Variants in IL19 observed in about 807,000 individuals in gnomAD.
The protein encoded by IL19 is interleukin-19.
In IL19, 15 loss-of-function variants were observed where a neutral mutation model predicts 19.5. The ratio of observed to expected loss-of-function variants is 0.77; its 90% CI spans 0.52 to 1.19. IL19 has a LOEUF of 1.19. Among genes scored for constraint, IL19 ranks in the 50% most tolerant of loss-of-function variants. IL19 has a pLI of 0.00. For missense variants in IL19, 199 were observed against 213.1 expected, an observed-to-expected ratio of 0.93 and a Z score of 0.41; for synonymous variants, 78 against 78.3, an observed-to-expected ratio of 1.00 and a Z score of 0.02.
At chr1:206,773,597 T>TGTGTGTGC (rs1424708095) in intron 1 of IL19, among the ~76,000 whole-genome samples, 1 of 149,166 alleles carries the variant, frequency 6.7e-6, no homozygotes, top group African/African-American at 2.5e-5. Flanking sequence ...TGTGTGTGTG[T>TGTGTGTGC]GTGTGTGTGT....
intron 1 of IL19, among the ~76,000 whole-genome samples, chr1:206,780,153 C>T (rs947886266): frequency 6.6e-6 from 1 of 152,212 alleles, no homozygotes; most frequent in African/African-American, 2.4e-5. Context: ...CTTCTCAGAA[C>T]ACCTTGCTCC....
intron 2 of IL19, among the ~76,000 whole-genome samples, chr1:206,823,983 G>A (rs6673827): frequency 0.046 from 6,943 of 152,324 alleles, 563 homozygotes; most frequent in African/African-American, 0.16. Context: ...CAGGATCGCC[G>A]TGTCTTCAGA....
At chr1:206,827,704 AC>A (rs1558619913) in intron 2 of IL19, among the ~76,000 whole-genome samples, 38 of 31,446 alleles carry the variant, frequency 1.2e-3, no homozygotes, top group Non-Finnish European at 1.9e-3. Context: ...ACAAAACAAA[AC>A]AAAACAAAAA....
intron 2 of IL19, among the ~76,000 whole-genome samples, chr1:206,802,113 G>A (rs1231842429): frequency 1.3e-5 from 2 of 152,204 alleles, no homozygotes; most frequent in African/African-American, 4.8e-5. Context: ...GAATGCACCA[G>A]GCCTTTGCAG....
chr1:206,834,028 G>C (rs1365227666), intron 2 of IL19: 1 of 985,360 alleles, frequency 1.0e-6, no homozygotes, highest in Admixed American at 6.2e-5. Context: ...GGGTACACTT[G>C]GTAACGTGCC....
chr1:206,799,162 T>G (rs112537168), intron 2 of IL19, among the ~76,000 whole-genome samples, 156 bp downstream of exon 2: 14 of 152,194 alleles, frequency 9.2e-5, no homozygotes, highest in African/African-American at 3.4e-4. Context: ...ATTGCCAGAC[T>G]GCTGGCCAGG....
At chr1:206,788,039 A>AGAGCAAGGTGTCATTGCTAGCTTCAAGG (rs1675306780) in intron 1 of IL19, among the ~76,000 whole-genome samples, 1 of 151,986 alleles carries the variant, frequency 6.6e-6, no homozygotes, top group Non-Finnish European at 1.5e-5. Flanking sequence ...GACCCTGTGG[A>AGAGCAAGGTGTCATTGCTAGCTTCAAGG]CCTTCCTTCC....
chr1:206,825,260 G>C (rs1172216389), intron 2 of IL19, among the ~76,000 whole-genome samples: 1 of 152,162 alleles, frequency 6.6e-6, no homozygotes, highest in Non-Finnish European at 1.5e-5. Context: ...TTTAAACATT[G>C]ATCATACTAC....
intron 1 of IL19, among the ~76,000 whole-genome samples, chr1:206,773,668 G>C (rs777307247): frequency 1.1e-4 from 16 of 151,558 alleles, no homozygotes; most frequent in African/African-American, 2.9e-4. Context: ...GCGGCGAGGA[G>C]TGTTGCTCTA....
At chr1:206,842,463 A>C in intron 6 of IL19, 64 bp from the exon 7 acceptor site, 1 of 980,000 alleles carries the variant, frequency 1.0e-6, no homozygotes, top group Non-Finnish European at 1.6e-6. Flanking sequence ...CATATGAAGA[A>C]AGTGACTTGA....
chr1:206,781,965 G>T (rs1188352181), intron 1 of IL19, among the ~76,000 whole-genome samples: 1 of 65,302 alleles, frequency 1.5e-5, no homozygotes, highest in Non-Finnish European at 3.0e-5. Flanking sequence ...ACATATATAT[G>T]TATATGTTAT....
At chr1:206,775,207 A>AT (rs771052503) in intron 1 of IL19, among the ~76,000 whole-genome samples, 5 of 151,518 alleles carry the variant, frequency 3.3e-5, no homozygotes, top group Non-Finnish European at 7.4e-5. Context: ...CGCCCGGCTA[A>AT]GTTTTTTTAT....
At chr1:206,825,546 C>T (rs1572568603) in intron 2 of IL19, among the ~76,000 whole-genome samples, 1 of 152,254 alleles carries the variant, frequency 6.6e-6, no homozygotes. Context: ...CCAGGATTGC[C>T]TGTCTCCAAC....
chr1:206,827,266 G>A (rs1447460938), intron 2 of IL19, among the ~76,000 whole-genome samples: 1 of 151,904 alleles, frequency 6.6e-6, no homozygotes, highest in Non-Finnish European at 1.5e-5. Context: ...ATTTTTTTCT[G>A]GATTTTATGG....
intron 2 of IL19, among the ~76,000 whole-genome samples, chr1:206,819,077 C>T (rs1365374521): frequency 4.0e-5 from 6 of 151,630 alleles, no homozygotes; most frequent in Non-Finnish European, 1.5e-5. Context: ...TCCCAAAGTG[C>T]TGGGATTACA....
At chr1:206,783,559 G>T (rs1011452838) in intron 1 of IL19, among the ~76,000 whole-genome samples, 5 of 152,294 alleles carry the variant, frequency 3.3e-5, no homozygotes, top group African/African-American at 1.2e-4. Flanking sequence ...AGCGGCTAAG[G>T]GTTGTGCACT....
chr1:206,795,061 A>T (rs1377770072), intron 1 of IL19, among the ~76,000 whole-genome samples: 1 of 152,166 alleles, frequency 6.6e-6, no homozygotes, highest in African/African-American at 2.4e-5. Context: ...GCTCTGGCCC[A>T]GGTGTCTTTC....
intron 2 of IL19, chr1:206,834,504 A>G (rs1300339173): frequency 1.1e-6 from 1 of 920,798 alleles, no homozygotes; most frequent in Non-Finnish European, 1.3e-6. Flanking sequence ...GTGTATGGCT[A>G]TGATGTTCCA....
chr1:206,789,311 G>T (rs1675338412), intron 1 of IL19, among the ~76,000 whole-genome samples: 1 of 152,132 alleles, frequency 6.6e-6, no homozygotes, highest in Non-Finnish European at 1.5e-5. Context: ...ACTAAACATT[G>T]TACCCAACAG....
Sources: allele counts gnomAD v4.1 joint callset (sites outside exome capture counted in the v4.1 genomes callset), GRCh38; gene constraint gnomAD v4.1.1; transcripts MANE v1.5; gene names NCBI Gene and HGNC (gene_info 2026-07-23, HGNC 2026-07-21).